Variants in ALMS1 observed in about 807,000 individuals in gnomAD.
ALMS1 encodes the protein centrosome-associated protein ALMS1.
In ALMS1, 271 loss-of-function variants were observed where a neutral mutation model predicts 352.2. The ratio of observed to expected loss-of-function variants is 0.77; its 90% CI spans 0.70 to 0.85. The LOEUF is 0.85. ALMS1 is among the 40% of genes least tolerant of loss of function. The pLI, the probability that ALMS1 is intolerant of heterozygous loss-of-function variation, is 0.00. For synonymous variants in ALMS1, 1,865 were observed against 1,761.2 expected (o/e 1.06, Z -1.48); for missense variants, 5,445 against 4,870.7 (o/e 1.12, Z -3.51).
intron 15 of ALMS1, among the ~76,000 whole-genome samples, chr2:73,571,924 G>T (rs1288707727): frequency 6.6e-6 from 1 of 152,014 alleles, no homozygotes; most frequent in Non-Finnish European, 1.5e-5. Context: ...AAAAACAGAT[G>T]CAGAGCATAT....
At chr2:73,531,020 C>A (rs1673899009) in intron 11 of ALMS1, among the ~76,000 whole-genome samples, 1 of 152,242 alleles carries the variant, frequency 6.6e-6, no homozygotes. Flanking sequence ...GGAAGGGACT[C>A]CCGTTAAGAT....
At chr2:73,523,102 T>C (rs1037748950) in intron 11 of ALMS1, among the ~76,000 whole-genome samples, 2 of 152,170 alleles carry the variant, frequency 1.3e-5, no homozygotes, top group Admixed American at 6.5e-5. Context: ...TGTTCCCAAA[T>C]GCATGCATTC....
rs1670599097 is a variant in ALMS1 at position 73,389,432 on chromosome 2, C to T, written c.324+3240C>T. ...GGTAGTTTATTTTGCTGTGCAGGAG[C>T]TCTTCTAGTTTAATTAAGTTCCATT... is the stretch of plus-strand genomic sequence containing the variant. On this transcript the variant is annotated intron_variant, in intron 1 of 22. Transcript: ENST00000613296. 2.0e-5 allele frequency among the ~76,000 whole-genome samples: 3 copies of T among 152,034 alleles called. No individual in the cohort carries two copies. The South Asian group carries it at 6.2e-4, about 32-fold the overall frequency.
intron 10 of ALMS1, among the ~76,000 whole-genome samples, chr2:73,494,278 T>C (rs1410733782): frequency 6.6e-6 from 1 of 152,104 alleles, no homozygotes; most frequent in Non-Finnish European, 1.5e-5. Context: ...CACCCAAGGG[T>C]TGGGAATTCC....
intron 9 of ALMS1, among the ~76,000 whole-genome samples, chr2:73,463,822 A>C (rs1265348671): frequency 6.7e-6 from 1 of 148,280 alleles, no homozygotes; most frequent in East Asian, 1.9e-4. Flanking sequence ...AAACACCTCT[A>C]TGCAAATAAA....
At chr2:73,505,566 T>C (rs1383478906) in intron 10 of ALMS1, among the ~76,000 whole-genome samples, 1 of 152,198 alleles carries the variant, frequency 6.6e-6, no homozygotes, top group Non-Finnish European at 1.5e-5. Flanking sequence ...TTGATGGGGT[T>C]GTTTGTTTTT....
chr2:73,587,759 G>A (rs1675342056), intron 16 of ALMS1, among the ~76,000 whole-genome samples: 2 of 152,054 alleles, frequency 1.3e-5, no homozygotes, highest in Admixed American at 1.3e-4. Flanking sequence ...AAACAAAATT[G>A]GTAGACCATT....
chr2:73,510,690 G>A (rs1461954329), intron 10 of ALMS1, among the ~76,000 whole-genome samples: 3 of 152,206 alleles, frequency 2.0e-5, no homozygotes, highest in African/African-American at 7.2e-5. Context: ...AGGCACGGGG[G>A]TCAGGGACCC....
At chr2:73,590,781 C>T (rs962619883) in intron 16 of ALMS1, among the ~76,000 whole-genome samples, 7 of 148,792 alleles carry the variant, frequency 4.7e-5, no homozygotes, top group Non-Finnish European at 7.4e-5. Flanking sequence ...CGGGTTCAAG[C>T]GATTTTCCTG....
At chr2:73,395,060 GTATA>G (rs755110782) in intron 1 of ALMS1, among the ~76,000 whole-genome samples, 1 of 92,708 alleles carries the variant, frequency 1.1e-5, no homozygotes, top group Non-Finnish European at 2.2e-5. Flanking sequence ...ATATATATGT[GTATA>G]TATATATATA....
At chr2:73,596,263 A>G (rs1216853809) in intron 16 of ALMS1, among the ~76,000 whole-genome samples, 1 of 152,138 alleles carries the variant, frequency 6.6e-6, no homozygotes, top group Non-Finnish European at 1.5e-5. Context: ...TAGGTCTGAA[A>G]TCCATTTTTA....
intron 12 of ALMS1, among the ~76,000 whole-genome samples, chr2:73,548,789 T>G (rs1012265425): frequency 6.6e-6 from 1 of 152,224 alleles, no homozygotes; most frequent in African/African-American, 2.4e-5. Flanking sequence ...ACATTATTTG[T>G]TGGTCATCAG....
intron 21 of ALMS1, among the ~76,000 whole-genome samples, chr2:73,607,021 T>G (rs769398756): frequency 6.6e-6 from 1 of 152,178 alleles, no homozygotes; most frequent in Non-Finnish European, 1.5e-5. Flanking sequence ...TTTTTCCAGA[T>G]TATAGAAAAC....
At chr2:73,567,681 T>C (rs1674831281) in intron 15 of ALMS1, among the ~76,000 whole-genome samples, 1 of 152,188 alleles carries the variant, frequency 6.6e-6, no homozygotes, top group Non-Finnish European at 1.5e-5. Context: ...GATGCTTTGC[T>C]AGCCATTTAG....
chr2:73,501,730 C>G (rs955874310), intron 10 of ALMS1, among the ~76,000 whole-genome samples: 4 of 152,042 alleles, frequency 2.6e-5, no homozygotes, highest in Non-Finnish European at 5.9e-5. Flanking sequence ...GTTATGTCCT[C>G]CAACCTTGTT....
At chr2:73,499,864 C>T (rs1487345694) in intron 10 of ALMS1, among the ~76,000 whole-genome samples, 2 of 152,044 alleles carry the variant, frequency 1.3e-5, no homozygotes, top group East Asian at 1.9e-4. Context: ...GAATGACTCC[C>T]CTCCTCCCCA....
rs1324956592 is a variant in ALMS1, at chr2:73,534,875, A to G, written c.9833A>G (p.Tyr3278Cys). ...YKPSGSTKMYYVPQLRQIPPS... is the reference protein window; with the variant it reads ...YKPSGSTKMYCVPQLRQIPPS... ...CCTTCTGGTAGTACCAAGATGTATT[A>G]TGTTCCACAATTAAGACAAATTCCT... Residue 3278 changes from tyrosine (Y) to cysteine (C), a missense_variant, in exon 12 of 23, where the codon TAT becomes TGT. Physicochemically the swap from Tyr to Cys is radical, Grantham distance 194. Coordinates refer to ENST00000613296, the MANE Select transcript of ALMS1 (RefSeq NM_001378454.1). The G allele has an allele frequency of 1.2e-6, 2 of 1,613,648 alleles. No individual in the cohort carries two copies. The highest frequency in any genetic ancestry group is 1.3e-5 in the African/African-American group (1 of 75,040).
chr2:73,434,496 T>G (rs1348622068), intron 7 of ALMS1, among the ~76,000 whole-genome samples: 1 of 152,192 alleles, frequency 6.6e-6, no homozygotes, highest in Non-Finnish European at 1.5e-5. Flanking sequence ...TCGTTTTATG[T>G]TTTAGCATGT....
In ALMS1 at chr2:73,385,977, G is replaced by C. The variant is rs774784126; in HGVS notation, c.109G>C (p.Val37Leu). 1.9e-5 allele frequency: 29 copies of C among 1,540,084 alleles called. No homozygotes were observed. In the African/African-American group the frequency reaches 3.7e-4, roughly 20 times the overall value. The change falls in exon 1 of 23, where the codon GTG (valine) becomes CTG (leucine). Residue 37 changes from valine (V) to leucine (L), a missense_variant. Coordinates refer to ENST00000613296, the MANE Select transcript of ALMS1 (RefSeq NM_001378454.1). ...EEAAAAAAAN[V>L]DDVVVVEEVE... is the part of the protein sequence containing the mutation. Reference sequence around the variant, plus strand: ...GGCTGCAGCGGCGGCGGCGGCGAACGTGGACGACGTAGTGGTCGTGGAGGA... The same window carrying C: ...GGCTGCAGCGGCGGCGGCGGCGAACCTGGACGACGTAGTGGTCGTGGAGGA...
Sources: allele counts gnomAD v4.1 joint callset (sites outside exome capture counted in the v4.1 genomes callset), GRCh38; gene constraint gnomAD v4.1.1; transcripts MANE v1.5; gene names NCBI Gene and HGNC (gene_info 2026-07-23, HGNC 2026-07-21).